ITGAV: variants seen among roughly 807,000 people sequenced by gnomAD.
ITGAV encodes integrin alpha-V.
A neutral mutation model predicts 143.8 loss-of-function variants in ITGAV; 76 were observed. The observed-to-expected ratio is 0.53, with a 90% CI of 0.44 to 0.64. The LOEUF (loss-of-function observed/expected upper bound fraction) is 0.64. Ranked by LOEUF, ITGAV falls within the 30% of genes least tolerant of loss-of-function variation. ITGAV has a pLI of 0.00. For synonymous variants in ITGAV, 453 were observed against 446.7 expected (o/e 1.01, Z -0.18); for missense variants, 1,193 against 1,274.7 (o/e 0.94, Z 0.98).
chr2:186,638,659 TGTGTG>T (rs1201671191), intron 10 of ITGAV, among the ~76,000 whole-genome samples, 194 bp downstream of exon 10: 4 of 151,636 alleles, frequency 2.6e-5, no homozygotes, highest in African/African-American at 9.7e-5. Flanking sequence ...TGTGTGTGTG[TGTGTG>T]TGTGTGTAGT....
chr2:186,666,039 G>A (rs1688888087), intron 21 of ITGAV, among the ~76,000 whole-genome samples: 1 of 152,040 alleles, frequency 6.6e-6, no homozygotes, highest in South Asian at 2.1e-4. Context: ...TAACTTTCTG[G>A]TTATTATATA....
chr2:186,612,096 T>A (rs1341673245), intron 2 of ITGAV, among the ~76,000 whole-genome samples: 1 of 152,204 alleles, frequency 6.6e-6, no homozygotes, highest in Non-Finnish European at 1.5e-5. Context: ...GAAATAAAGA[T>A]AATTGTGGAT....
intron 15 of ITGAV, among the ~76,000 whole-genome samples, chr2:186,654,148 C>T (rs184107054): frequency 1.3e-5 from 2 of 152,182 alleles, no homozygotes; most frequent in East Asian, 1.9e-4. Context: ...GCCTGGCCAA[C>T]GTGGTGAAAC....
chr2:186,669,741 C>T lies in ITGAV; in HGVS notation c.2633C>T (p.Ala878Val), dbSNP rs765327233. ...LQTTEKNDTVAGQGERDHLIT... is the reference protein window; with the variant it reads ...LQTTEKNDTVVGQGERDHLIT... ...ACAACTGAAAAGAATGACACGGTTG[C>T]CGGGCAAGGTGAGCGGGACCATCTC... The change falls in exon 26 of 30, where the codon GCC (alanine) becomes GTC (valine). Residue 878 changes from alanine to valine, a missense_variant. Coordinates refer to ENST00000261023, the MANE Select transcript of ITGAV (RefSeq NM_002210.5). 1.2e-6 allele frequency: 2 copies of T among 1,613,992 alleles called. No homozygotes were observed. The highest frequency in any genetic ancestry group is 2.2e-5 in the East Asian group (1 of 44,876).
intron 2 of ITGAV, among the ~76,000 whole-genome samples, chr2:186,608,283 C>T (rs770361432): frequency 2.0e-5 from 3 of 152,120 alleles, no homozygotes; most frequent in Non-Finnish European, 4.4e-5. Context: ...TTAGTTGAGC[C>T]TTAGGAAGCC....
intron 2 of ITGAV, among the ~76,000 whole-genome samples, chr2:186,618,053 T>A (rs1477370253): frequency 6.6e-6 from 1 of 152,230 alleles, no homozygotes; most frequent in Admixed American, 6.5e-5. Context: ...TTCACCCAGG[T>A]CATGAATGAA....
At chr2:186,646,597 C>A in intron 12 of ITGAV, 89 bp from the exon 13 acceptor site, 1 of 893,086 alleles carries the variant, frequency 1.1e-6, no homozygotes, top group East Asian at 2.6e-5. Context: ...CTCTTCCCCC[C>A]TTCTCTCGTT....
chr2:186,671,640 A>T (rs559051790), intron 26 of ITGAV, among the ~76,000 whole-genome samples: 11 of 152,154 alleles, frequency 7.2e-5, no homozygotes, highest in African/African-American at 2.7e-4. Flanking sequence ...ACACAAAATT[A>T]ACCATTTTAA....
chr2:186,635,540 C>G (rs565412547), intron 6 of ITGAV, among the ~76,000 whole-genome samples: 1 of 152,302 alleles, frequency 6.6e-6, no homozygotes, highest in East Asian at 1.9e-4. Context: ...GTGGAGACAA[C>G]ACTTGATAAA....
chr2:186,620,677 C>T (rs532738932), intron 2 of ITGAV, among the ~76,000 whole-genome samples: 133 of 152,220 alleles, frequency 8.7e-4, no homozygotes, highest in African/African-American at 2.4e-3. Context: ...GTGGGAGGAT[C>T]GCTTCAGTAT....
At chr2:186,630,181 C>G (rs1182816147) in intron 4 of ITGAV, among the ~76,000 whole-genome samples, 1 of 151,840 alleles carries the variant, frequency 6.6e-6, no homozygotes, top group Non-Finnish European at 1.5e-5. Flanking sequence ...CTGTTGTTGG[C>G]TCTATAATGT....
intron 2 of ITGAV, among the ~76,000 whole-genome samples, chr2:186,606,168 C>T (rs1192972116): frequency 6.6e-6 from 1 of 152,154 alleles, no homozygotes; most frequent in Non-Finnish European, 1.5e-5. Context: ...CTTTATGTCT[C>T]TCTCCCAAGG....
intron 2 of ITGAV, among the ~76,000 whole-genome samples, chr2:186,612,000 G>A (rs959792242): frequency 1.3e-5 from 2 of 152,178 alleles, no homozygotes; most frequent in African/African-American, 4.8e-5. Flanking sequence ...TTGTAAACAA[G>A]AAAGCATTAT....
At chr2:186,601,857 G>C (rs905333993) in intron 1 of ITGAV, among the ~76,000 whole-genome samples, 164 bp from the exon 2 acceptor site, 41 of 152,184 alleles carry the variant, frequency 2.7e-4, no homozygotes, top group African/African-American at 9.4e-4. Context: ...ATGCATGCAA[G>C]AGACTACCAA....
At chr2:186,658,042 A>C (rs1185879335) in intron 17 of ITGAV, among the ~76,000 whole-genome samples, 3 of 152,164 alleles carry the variant, frequency 2.0e-5, no homozygotes, top group African/African-American at 4.8e-5. Context: ...AGAAGGGAGA[A>C]TTTCATTCTA....
intron 12 of ITGAV, among the ~76,000 whole-genome samples, chr2:186,644,092 C>T (rs1688182041): frequency 6.6e-6 from 1 of 152,064 alleles, no homozygotes; most frequent in Non-Finnish European, 1.5e-5. Context: ...TACCAATGTG[C>T]ACCTCTGTGC....
In ITGAV at chr2:186,656,364, G is replaced by T. The variant is rs185792013; in HGVS notation, c.1682G>T (p.Gly561Val). The change falls in exon 17 of 30, where the codon GGA becomes GTA. Residue 561 changes from glycine to valine, a missense_variant. Transcript: ENST00000261023. ...HSKNMTISRG[G>V]LMQCEELIAY... ...AAGAACATGACTATTTCAAGGGGGG[G>T]ACTGATGCAGTGTGAGGAATTGATA... The T allele has an allele frequency of 2.5e-5, 38 of 1,547,188 alleles. No individual in the cohort carries two copies. In the East Asian group the frequency reaches 6.4e-4, roughly 26 times the overall value.
chr2:186,653,686 A>G (rs1688505585), intron 15 of ITGAV, among the ~76,000 whole-genome samples: 3 of 152,204 alleles, frequency 2.0e-5, no homozygotes, highest in Non-Finnish European at 4.4e-5. Context: ...TCTACCCTGC[A>G]TACCTCTGTG....
intron 25 of ITGAV, 55 bp downstream of exon 25, chr2:186,668,975 TA>T (rs1428377701): frequency 2.9e-6 from 4 of 1,389,940 alleles, no homozygotes; most frequent in Non-Finnish European, 3.9e-6. Context: ...GCCTTCTTTC[TA>T]AACCTGTAAA....
Sources: gnomAD v4.1 joint callset for allele counts (sites outside exome capture counted in the v4.1 genomes callset) on GRCh38, gnomAD v4.1.1 for gene constraint, MANE v1.5 for transcripts, NCBI Gene and HGNC (gene_info 2026-07-23, HGNC 2026-07-21) for gene names.